Variants in AHCTF1 observed in about 807,000 individuals in gnomAD.
AHCTF1 encodes protein ELYS.
AHCTF1 carries 24 observed loss-of-function variants against 248.4 expected under a neutral mutation model. The ratio of observed to expected loss-of-function variants is 0.10; its 90% CI spans 0.07 to 0.14. AHCTF1 has a LOEUF of 0.14. Ranked by LOEUF, AHCTF1 falls within the 10% of genes least tolerant of loss-of-function variation. The pLI, the probability that AHCTF1 is intolerant of heterozygous loss-of-function variation, is 1.00. For missense variants in AHCTF1, 2,206 were observed against 2,636.2 expected (o/e 0.84, Z 3.57); for synonymous variants, 786 against 929.8 (o/e 0.85, Z 2.81).
chr1:246,841,974 T>C (rs1440847369), intron 35 of AHCTF1, among the ~76,000 whole-genome samples: 2 of 149,634 alleles, frequency 1.3e-5, no homozygotes, highest in Non-Finnish European at 3.0e-5. Context: ...TTTTTTTTTT[T>C]CAGTAGAGAC....
At chr1:246,887,073 G>A (rs570924995) in intron 20 of AHCTF1, 138 bp downstream of exon 20, 2 of 892,032 alleles carry the variant, frequency 2.2e-6, no homozygotes, top group Non-Finnish European at 3.3e-6. Context: ...GCTTGGTAAA[G>A]GTACTGATTA....
intron 4 of AHCTF1, among the ~76,000 whole-genome samples, chr1:246,910,663 A>G (rs1367884589): frequency 1.3e-5 from 2 of 152,230 alleles, no homozygotes; most frequent in Non-Finnish European, 2.9e-5. Context: ...ATATATTAAT[A>G]TAACCACTGT....
At position 246,898,396 on chromosome 1, in the gene AHCTF1, G is replaced by A. The variant is rs188370119; in HGVS notation, c.1495-60C>T. 3.2e-4 allele frequency: 475 copies of A among 1,499,330 alleles called. 4 individuals are homozygous for A. The African/African-American group carries it at 5.7e-3, about 18-fold the overall frequency. The allele number at this position is 1,499,330 out of a possible 1,614,324, so 92.9% of individuals were successfully genotyped here. ...GCTCAATTTGAATAATCAAATTTAAGATTAATTAATTACACTTAAAATTTA... is the reference window on the plus strand; with the variant it reads ...GCTCAATTTGAATAATCAAATTTAAAATTAATTAATTACACTTAAAATTTA... On this transcript the variant is annotated intron_variant, in intron 11 of 35. Coordinates refer to ENST00000648844, the MANE Select transcript of AHCTF1 (RefSeq NM_001323342.2).
intron 1 of AHCTF1, among the ~76,000 whole-genome samples, chr1:246,922,721 GC>G (rs1558282924): frequency 3.3e-5 from 5 of 150,408 alleles, no homozygotes; most frequent in Admixed American, 6.6e-5. Flanking sequence ...AGTGGCTCAC[GC>G]CTGTAATCCC....
intron 14 of AHCTF1, among the ~76,000 whole-genome samples, chr1:246,893,236 C>A (rs1480586342): frequency 6.6e-6 from 1 of 152,170 alleles, no homozygotes; most frequent in Admixed American, 6.5e-5. Flanking sequence ...TTACAGACTT[C>A]AATCACACTG....
At chr1:246,868,931 G>A (rs1323161810) in intron 24 of AHCTF1, among the ~76,000 whole-genome samples, 6 of 145,030 alleles carry the variant, frequency 4.1e-5, no homozygotes, top group African/African-American at 1.5e-4. Flanking sequence ...TGCAAGTTCT[G>A]CCTCCCGGGT....
Position 246,863,980 on chromosome 1 carries a change from G to T in AHCTF1, c.3484C>A (p.Gln1162Lys). 3.1e-6 allele frequency: 5 copies of T among 1,614,138 alleles called. No homozygotes were observed. Among genetic ancestry groups the T allele is most frequent in the Non-Finnish European group, 4.2e-6 (5 of 1,180,016 alleles). The change falls in exon 27 of 36, where the codon CAG becomes AAG. Residue 1162 changes from glutamine (Q) to lysine (K), a missense_variant. Physicochemically the swap from Gln to Lys is moderately conservative, Grantham distance 53 (BLOSUM62 1). Transcript: ENST00000648844. ...PSSSQLKGSP[Q>K]AISRASELHL... ...AATTCTGAAGCCCTGGAGATGGCCT[G>T]AGGCGATCCTTTTAATTGCGAACTT...
chr1:246,910,532 A>T (rs1209079503), intron 4 of AHCTF1, among the ~76,000 whole-genome samples: 1 of 152,238 alleles, frequency 6.6e-6, no homozygotes, highest in Non-Finnish European at 1.5e-5. Context: ...ACAGACACAC[A>T]TATAGCAAAT....
At chr1:246,930,093 A>G (rs1268955965) in intron 1 of AHCTF1, among the ~76,000 whole-genome samples, 2 of 152,084 alleles carry the variant, frequency 1.3e-5, no homozygotes, top group African/African-American at 4.8e-5. Context: ...AAAAAGGAGA[A>G]GCATAAAAAG....
intron 19 of AHCTF1, among the ~76,000 whole-genome samples, chr1:246,887,903 G>GTT (rs1663939919): frequency 6.6e-6 from 1 of 152,148 alleles, no homozygotes; most frequent in Non-Finnish European, 1.5e-5. Flanking sequence ...AGCAACTGTT[G>GTT]TTAACTTTTT....
chr1:246,890,118 C>T (rs1175070219), intron 16 of AHCTF1, 59 bp from the exon 17 acceptor site: 3 of 1,190,024 alleles, frequency 2.5e-6, no homozygotes, highest in East Asian at 2.4e-5. Flanking sequence ...CTCAACAATA[C>T]ATATTAATAT....
intron 23 of AHCTF1, 104 bp downstream of exon 23, chr1:246,876,846 T>A (rs995353902): frequency 2.5e-5 from 35 of 1,375,552 alleles, no homozygotes; most frequent in Non-Finnish European, 3.3e-5. Context: ...AAGGTAATGC[T>A]AGGCACAGTG....
Position 246,876,248 on chromosome 1 carries a change from A to G in AHCTF1, c.2938-61T>C, listed in dbSNP as rs1455626877. ...TCAAAATGTTAGGTGCTGTAATTCT[A>G]TATTTACCATTTAAAATAAAACTAT... On this transcript the variant is annotated intron_variant, in intron 23 of 35. Transcript: ENST00000648844. The G allele has an allele frequency of 7.4e-6, 10 of 1,344,712 alleles. No homozygotes were observed. The African/African-American group carries it at 8.9e-5, about 12-fold the overall frequency. 83.3% of individuals were successfully genotyped at this position (1,344,712 alleles called of 1,614,324 possible).
chr1:246,873,981 C>T (rs1395033325), intron 24 of AHCTF1, among the ~76,000 whole-genome samples: 2 of 152,170 alleles, frequency 1.3e-5, no homozygotes, highest in Non-Finnish European at 2.9e-5. Context: ...AGATCTGACC[C>T]AACAGGGAGG....
chr1:246,868,796 C>G (rs924833597), intron 24 of AHCTF1, among the ~76,000 whole-genome samples: 21 of 151,178 alleles, frequency 1.4e-4, no homozygotes, highest in African/African-American at 4.9e-4. Context: ...TGAATGAGTA[C>G]AGGTCTACCT....
chr1:246,846,279 G>A (rs913697393), intron 33 of AHCTF1, among the ~76,000 whole-genome samples: 1 of 151,304 alleles, frequency 6.6e-6, no homozygotes, highest in Non-Finnish European at 1.5e-5. Flanking sequence ...CAGTCTTCTC[G>A]GCACCTGCAT....
chr1:246,885,610 T>C lies in AHCTF1; in HGVS notation c.2543A>G (p.Gln848Arg). The C allele has an allele frequency of 6.2e-7, 1 of 1,612,472 alleles. No homozygotes were observed. Among genetic ancestry groups the C allele is most frequent in the Non-Finnish European group, 8.5e-7 (1 of 1,178,944 alleles). The change falls in exon 21 of 36, where the codon CAG becomes CGG. Residue 848 changes from glutamine (Q) to arginine (R), a missense_variant. Gln to Arg is a conservative substitution (Grantham distance 43). Around this residue, in one of 6 missense-constraint regions of AHCTF1, gnomAD observed 650 missense variants for 870.8 expected, o/e 0.75. Coordinates refer to ENST00000648844, the MANE Select transcript of AHCTF1 (RefSeq NM_001323342.2). Reference protein sequence around the residue: ...PLSWQHSKIIQAFMSQGEHRQ... With the variant: ...PLSWQHSKIIRAFMSQGEHRQ... ...GTGCTCGCCCTGACTCATGAATGCC[T>C]GAATAATCTTTGAATGTTGCCATGA...
chr1:246,904,937 A>G (rs1665275678), intron 6 of AHCTF1, among the ~76,000 whole-genome samples: 1 of 152,220 alleles, frequency 6.6e-6, no homozygotes, highest in South Asian at 2.1e-4. Flanking sequence ...TATTTGAAGA[A>G]TAAGAGAGCA....
rs34474643 is a variant in AHCTF1 at position 246,923,108 on chromosome 1, C to CA, written c.-7-4732dup. On this transcript the variant is annotated intron_variant, in intron 1 of 35. Transcript: ENST00000648844. ...AAGAAGTTATTTAATCAAATAATAC[C>CA]AAAAAAAAAAAAAAAAAAAAGATAG... Among the ~76,000 whole-genome samples the CA allele has an allele frequency of 7.0e-3, 780 of 111,860 alleles. 8 individuals are homozygous for CA. Among genetic ancestry groups the CA allele is most frequent in the Non-Finnish European group, 8.0e-3 (422 of 52,714 alleles). The allele number at this position is 111,860 out of a possible 152,430, so 73.4% of individuals were successfully genotyped here. A position where few individuals can be genotyped will look rare whatever the true frequency, so the allele number is the denominator to read the frequency against.
Sources: gnomAD v4.1 joint callset for allele counts (sites outside exome capture counted in the v4.1 genomes callset) on GRCh38, gnomAD v4.1.1 for gene constraint, gnomAD v4.1.1 regional missense constraint, MANE v1.5 for transcripts, NCBI Gene and HGNC (gene_info 2026-07-23, HGNC 2026-07-21) for gene names.